Variants in NEDD9 observed in about 807,000 individuals in gnomAD.
NEDD9 encodes the protein enhancer of filamentation 1.
Under a neutral mutation model 76.6 loss-of-function variants are expected in NEDD9, and 26 were observed. That is an observed-to-expected ratio of 0.34 (90% CI 0.25 to 0.47). NEDD9 has a LOEUF of 0.47. Among genes scored for constraint, NEDD9 ranks in the 20% least tolerant of loss-of-function variants. The pLI is 1.00. For missense variants in NEDD9, 937 were observed against 1,058.5 expected (o/e 0.89, Z 1.59); for synonymous variants, 392 against 414.2 (o/e 0.95, Z 0.65).
At chr6:11,281,879 C>G (rs1311264426) in intron 3 of NEDD9, among the ~76,000 whole-genome samples, 1 of 152,082 alleles carries the variant, frequency 6.6e-6, no homozygotes, top group African/African-American at 2.4e-5. Context: ...TCCTGGGTAG[C>G]TGGGATTACA....
chr6:11,249,761 T>G (rs1027034984), intron 3 of NEDD9, among the ~76,000 whole-genome samples: 2 of 152,222 alleles, frequency 1.3e-5, no homozygotes, highest in African/African-American at 2.4e-5. Context: ...CCTGTTTGGA[T>G]AGACCTCTGC....
chr6:11,204,211 A>G (rs1205875716), intron 2 of NEDD9, among the ~76,000 whole-genome samples: 1 of 152,246 alleles, frequency 6.6e-6, no homozygotes, highest in Non-Finnish European at 1.5e-5. Context: ...GTGCAGCGGT[A>G]TACGTTTCTC....
chr6:11,200,737 A>G (rs1253342921), intron 2 of NEDD9: 2 of 1,364,646 alleles, frequency 1.5e-6, no homozygotes, highest in African/African-American at 2.9e-5. Flanking sequence ...GGTAAGAGAC[A>G]GTGGTCCTTG....
rs1354033449 is a variant in NEDD9, at chr6:11,232,588, C to G, written c.-73G>C. ...ATTAAGCACTGCGGTGCCCGCCCCTCCATTGAGTGCAGCGCTAGATGAAAG... is the reference window on the plus strand; with the variant it reads ...ATTAAGCACTGCGGTGCCCGCCCCTGCATTGAGTGCAGCGCTAGATGAAAG... On this transcript the variant is annotated 5_prime_UTR_variant, in exon 1 of 7. Coordinates refer to ENST00000379446, the MANE Select transcript of NEDD9 (RefSeq NM_006403.4). The G allele has an allele frequency of 6.2e-7, 1 of 1,613,034 alleles. No homozygotes were observed. Among genetic ancestry groups the G allele is most frequent in the Non-Finnish European group, 8.5e-7 (1 of 1,179,678 alleles).
At chr6:11,273,438 G>T (rs10456386) in intron 3 of NEDD9, among the ~76,000 whole-genome samples, 42,146 of 152,216 alleles carry the variant, frequency 0.28, 6,492 homozygotes, top group African/African-American at 0.41. Context: ...GCATTCAAAA[G>T]GGTTGAATTT....
chr6:11,251,556 C>T (rs1165422194), intron 3 of NEDD9: 1 of 152,208 alleles, frequency 6.6e-6, no homozygotes, highest in Non-Finnish European at 1.5e-5. Flanking sequence ...CTGAGGCCCA[C>T]TCATTACCTG....
chr6:11,299,324 T>C (rs1207913931), intron 3 of NEDD9, among the ~76,000 whole-genome samples: 2 of 151,994 alleles, frequency 1.3e-5, no homozygotes, highest in South Asian at 4.1e-4. Context: ...GTAAACAAAG[T>C]GTCACAGTGA....
rs75487485 is a variant in NEDD9, at chr6:11,336,665, G to A, written c.-213-2104C>T. On this transcript the variant is annotated intron_variant, in intron 1 of 3. Coordinates refer to the NEDD9 transcript ENST00000397378. ...AGACTTTATAAATACTGTACATTTA[G>A]GCTACACTACATTTATCAAACAATT... Among the ~76,000 whole-genome samples the A allele has an allele frequency of 6.1e-3, 926 of 152,176 alleles. 35 individuals are homozygous for A. In the East Asian group the frequency reaches 0.12, roughly 20 times the overall value.
chr6:11,194,882 C>A (rs752285163), intron 2 of NEDD9, among the ~76,000 whole-genome samples: 1 of 152,172 alleles, frequency 6.6e-6, no homozygotes, highest in East Asian at 1.9e-4. Context: ...TATATGTAAT[C>A]GTCCAAGGGC....
intron 6 of NEDD9, 148 bp from the exon 7 acceptor site, chr6:11,185,819 T>G (rs1011028949): frequency 2.6e-5 from 23 of 887,640 alleles, no homozygotes; most frequent in Non-Finnish European, 3.4e-5. Flanking sequence ...CAAGCTGCCT[T>G]GCTTTCCTAA....
At chr6:11,369,471 C>T (rs1762823047) in intron 1 of NEDD9, among the ~76,000 whole-genome samples, 1 of 152,190 alleles carries the variant, frequency 6.6e-6, no homozygotes, top group Non-Finnish European at 1.5e-5. Context: ...CCAACCATTG[C>T]TCCTGTGTAC....
intron 2 of NEDD9, among the ~76,000 whole-genome samples, chr6:11,207,888 A>C (rs370316623): frequency 3.9e-5 from 6 of 152,208 alleles, no homozygotes; most frequent in African/African-American, 1.4e-4. Context: ...CCTCAGTAGA[A>C]AAAGTTAGGC....
At chr6:11,244,475 A>G (rs1290671608) in intron 3 of NEDD9, among the ~76,000 whole-genome samples, 6 of 152,086 alleles carry the variant, frequency 3.9e-5, no homozygotes, top group Non-Finnish European at 8.8e-5. Context: ...CCCACATCCA[A>G]TCAGCTGCCA....
intron 2 of NEDD9, among the ~76,000 whole-genome samples, chr6:11,194,476 T>C (rs1758242070): frequency 6.6e-6 from 1 of 152,218 alleles, no homozygotes; most frequent in Non-Finnish European, 1.5e-5. Context: ...CATTGGACAT[T>C]ATTATGATGA....
chr6:11,250,188 T>C (rs1217224603), intron 3 of NEDD9, among the ~76,000 whole-genome samples: 2 of 152,158 alleles, frequency 1.3e-5, no homozygotes, highest in Non-Finnish European at 2.9e-5. Context: ...TGCTGGTCTT[T>C]CTCCCCACTG....
chr6:11,291,787 C>T (rs533178556), intron 3 of NEDD9, among the ~76,000 whole-genome samples: 2 of 152,178 alleles, frequency 1.3e-5, no homozygotes, highest in Admixed American at 1.3e-4. Flanking sequence ...TTCTTAGAAA[C>T]GAATAAAGGC....
At chr6:11,232,294 C>G (rs868763772) in intron 1 of NEDD9, among the ~76,000 whole-genome samples, 3 of 152,212 alleles carry the variant, frequency 2.0e-5, no homozygotes, top group Non-Finnish European at 4.4e-5. Flanking sequence ...AGCAGATGGA[C>G]TCGGGTGTAC....
intron 2 of NEDD9, chr6:11,200,806 A>G (rs1164920561): frequency 2.1e-6 from 3 of 1,455,168 alleles, no homozygotes; most frequent in East Asian, 2.5e-5. Context: ...CAGTATTGGC[A>G]TTATTACGGT....
Position 11,213,740 on chromosome 6 carries a change from G to A in NEDD9, c.13-13C>T, listed in dbSNP as rs1758860245. 6.2e-7 allele frequency: 1 copy of A among 1,611,564 alleles called. No individual in the cohort carries two copies. Among genetic ancestry groups the A allele is most frequent in the Non-Finnish European group, 8.5e-7 (1 of 1,178,122 alleles). ...TTGCCATAAGATTCTAGGAGGGAAG[G>A]AAGAGAAGGAAACCGTGTTAGAATA... On this transcript the variant is annotated splice_polypyrimidine_tract_variant and intron_variant, in intron 1 of 6. Coordinates refer to ENST00000379446, the MANE Select transcript of NEDD9 (RefSeq NM_006403.4). The surrounding 1 kb of genome is among the most constrained non-coding windows in gnomAD (Gnocchi z 5.4).
Sources: gnomAD v4.1 joint callset for allele counts (sites outside exome capture counted in the v4.1 genomes callset) on GRCh38, gnomAD v4.1.1 for gene constraint, Gnocchi (gnomAD v3.1) non-coding constraint, MANE v1.5 for transcripts, NCBI Gene and HGNC (gene_info 2026-07-23, HGNC 2026-07-21) for gene names.